Variants in CARS2 observed in about 807,000 individuals in gnomAD.
The protein encoded by CARS2 is cysteinyl-tRNA synthetase 2, mitochondrial.
CARS2 carries 52 observed loss-of-function variants against 68.8 expected under a neutral mutation model. The observed-to-expected ratio is 0.76, with a 90% CI of 0.61 to 0.95. The LOEUF (loss-of-function observed/expected upper bound fraction) is 0.95. Ranked by LOEUF, CARS2 falls within the 40% of genes least tolerant of loss-of-function variation. The pLI is 0.00. For missense variants in CARS2, 780 were observed against 754.2 expected (o/e 1.03, Z -0.40); for synonymous variants, 314 against 303.6 (o/e 1.03, Z -0.36).
At chr13:110,695,010 C>T (rs988138000) in intron 3 of CARS2, among the ~76,000 whole-genome samples, 3 of 152,040 alleles carry the variant, frequency 2.0e-5, no homozygotes, top group Non-Finnish European at 4.4e-5. Context: ...ATGCCAGGCA[C>T]AGTGACTCAT....
At chr13:110,667,826 A>G (rs935717694) in intron 7 of CARS2, among the ~76,000 whole-genome samples, 3 of 152,376 alleles carry the variant, frequency 2.0e-5, no homozygotes, top group Middle Eastern at 3.4e-3. Flanking sequence ...CTATAAAATC[A>G]TGACAGTGTT....
intron 3 of CARS2, among the ~76,000 whole-genome samples, chr13:110,701,146 T>G (rs994173818): frequency 2.0e-5 from 3 of 152,084 alleles, no homozygotes; most frequent in Admixed American, 6.6e-5. Flanking sequence ...CATTGCAACC[T>G]TCGCCCCCCC....
At chr13:110,712,680 G>C in intron 1 of CARS2, 1 of 659,874 alleles carries the variant, frequency 1.5e-6, no homozygotes, top group Non-Finnish European at 2.8e-6. Context: ...GCCTCAGGAC[G>C]CCGGCCGACC....
At chr13:110,662,991 G>A (rs1379566117) in intron 9 of CARS2, 5 of 457,002 alleles carry the variant, frequency 1.1e-5, no homozygotes, top group Non-Finnish European at 2.2e-5. Flanking sequence ...CATTCCATGT[G>A]TCAGCAGCAT....
At chr13:110,684,022 G>GC (rs1033529666) in intron 5 of CARS2, among the ~76,000 whole-genome samples, 6 of 152,310 alleles carry the variant, frequency 3.9e-5, no homozygotes, top group African/African-American at 1.2e-4. Flanking sequence ...TGGGGAGGAG[G>GC]CACTCAGAGT....
In CARS2 at chr13:110,705,672, T is replaced by C. The variant is rs763275001; in HGVS notation, c.225-101A>G. 8.8e-6 allele frequency: 13 copies of C among 1,473,194 alleles called. No individual in the cohort carries two copies. The highest frequency in any genetic ancestry group is 1.2e-5 in the Non-Finnish European group (13 of 1,069,278). 91.3% of individuals were successfully genotyped at this position (1,473,194 alleles called of 1,614,324 possible). A position where few individuals can be genotyped will look rare whatever the true frequency, so the allele number is the denominator to read the frequency against. ...ATATAATTTTTAAAGTAATCACTTC[T>C]GGGGGATGAATAGCCGGGGTTTTCA... On this transcript the variant is annotated intron_variant, in intron 1 of 14. Coordinates refer to ENST00000257347, the MANE Select transcript of CARS2 (RefSeq NM_024537.4). The surrounding 1 kb of genome is among the most constrained non-coding windows in gnomAD (Gnocchi z 4.0).
At position 110,663,464 on chromosome 13, in the gene CARS2, T is replaced by A. The variant is rs765685628; in HGVS notation, c.974A>T (p.Tyr325Phe). 1.2e-6 allele frequency: 2 copies of A among 1,613,640 alleles called. No individual in the cohort carries two copies. The highest frequency in any genetic ancestry group is 2.2e-5 in the South Asian group (2 of 90,984). Residue 325 changes from tyrosine to phenylalanine, a missense_variant, in exon 9 of 15, where the codon TAC becomes TTC. Physicochemically the swap from Tyr to Phe is conservative, Grantham distance 22 (BLOSUM62 3). Coordinates refer to ENST00000257347, the MANE Select transcript of CARS2 (RefSeq NM_024537.4). ...EEKMSKSLKNYITIKDFLKTF... is the reference protein window; with the variant it reads ...EEKMSKSLKNFITIKDFLKTF... ...AAAGCACGTTACCTTAATAGTAATG[T>A]AGTTCTTTAATGATTTGGACATTTT... is the stretch of plus-strand genomic sequence containing the variant.
intron 5 of CARS2, 26 bp from the exon 6 acceptor site, chr13:110,683,160 C>T (rs746801585): frequency 1.4e-6 from 2 of 1,466,302 alleles, no homozygotes; most frequent in South Asian, 2.5e-5. Flanking sequence ...ATTATGAATT[C>T]ATCACTTCTC....
At chr13:110,703,094 C>T (rs942206363) in intron 2 of CARS2, among the ~76,000 whole-genome samples, 5 of 152,146 alleles carry the variant, frequency 3.3e-5, no homozygotes, top group Non-Finnish European at 5.9e-5. Context: ...CCCCCTAGCA[C>T]CAAACTGATC....
chr13:110,709,673 G>T (rs975082645), upstream of CARS2, among the ~76,000 whole-genome samples: 2 of 152,066 alleles, frequency 1.3e-5, no homozygotes, highest in African/African-American at 4.8e-5. Context: ...CTTGCGGACA[G>T]TCTATTGTGG....
intron 8 of CARS2, chr13:110,667,069 TCTTAATAGTTTTA>T (rs1460809823): frequency 4.8e-6 from 3 of 628,364 alleles, no homozygotes; most frequent in Non-Finnish European, 6.0e-6. Context: ...TCAAGTTCCT[TCTTAATAGTTTTA>T]CTTGAAAGAA....
chr13:110,647,342 C>A (rs1888277316), intron 10 of CARS2, 103 bp from the exon 11 acceptor site: 3 of 1,411,026 alleles, frequency 2.1e-6, no homozygotes, highest in Non-Finnish European at 2.9e-6. Flanking sequence ...ACCCAGGGAC[C>A]ACACGGAGAG....
At chr13:110,644,156 C>G (rs1393220810) in intron 13 of CARS2, 1 of 1,432,274 alleles carries the variant, frequency 7.0e-7, no homozygotes, top group Admixed American at 2.1e-5. Context: ...GGACTCATCT[C>G]TGGTTCTGCG....
intron 3 of CARS2, among the ~76,000 whole-genome samples, chr13:110,693,875 C>T (rs2063547227): frequency 6.6e-6 from 1 of 152,068 alleles, no homozygotes; most frequent in Admixed American, 6.6e-5. Flanking sequence ...AGGACAGGAG[C>T]CCGCTGGCTG....
chr13:110,662,912 G>A (rs1421883746), intron 9 of CARS2: 1 of 429,100 alleles, frequency 2.3e-6, no homozygotes, highest in South Asian at 1.6e-5. Flanking sequence ...GAAGACAAAG[G>A]AGGAGTTCAA....
intron 3 of CARS2, among the ~76,000 whole-genome samples, chr13:110,693,099 G>A (rs1230758550): frequency 2.0e-5 from 2 of 101,414 alleles, no homozygotes; most frequent in Admixed American, 2.9e-4. Context: ...GACAGAGCGA[G>A]ACTCTGTCTC....
exon 1 of CARS2, chr13:110,713,283 T>G: frequency 7.8e-7 from 1 of 1,282,788 alleles, no homozygotes; most frequent in Non-Finnish European, 9.9e-7. Flanking sequence ...GAGGAGCGAG[T>G]TGCGGTAGTT....
chr13:110,710,643 G>A (rs1172651726), upstream of CARS2, among the ~76,000 whole-genome samples: 1 of 152,108 alleles, frequency 6.6e-6, no homozygotes, highest in Non-Finnish European at 1.5e-5. Context: ...TTTAAAATTC[G>A]TTATCAAAGG....
intron 7 of CARS2, among the ~76,000 whole-genome samples, chr13:110,674,368 G>C (rs1173214076): frequency 1.3e-5 from 2 of 149,188 alleles, no homozygotes; most frequent in Admixed American, 6.7e-5. Flanking sequence ...CCAAAACAGA[G>C]ATATAGACCA....
Sources: allele counts gnomAD v4.1 joint callset (sites outside exome capture counted in the v4.1 genomes callset), GRCh38; gene constraint gnomAD v4.1.1; non-coding constraint Gnocchi (gnomAD v3.1); transcripts MANE v1.5; gene names NCBI Gene and HGNC (gene_info 2026-07-23, HGNC 2026-07-21).